Variants in MYO16 observed in about 807,000 individuals in gnomAD.
The protein encoded by MYO16 is myosin XVI, also known as unconventional myosin-XVI.
A neutral mutation model predicts 205.3 loss-of-function variants in MYO16; 94 were observed. That is an observed-to-expected ratio of 0.46 (90% CI 0.39 to 0.54). The LOEUF is 0.54. Among genes scored for constraint, MYO16 ranks in the 20% least tolerant of loss-of-function variants. MYO16 has a pLI of 0.00. For missense variants in MYO16, 2,315 were observed against 2,387.5 expected, an observed-to-expected ratio of 0.97 and a Z score of 0.63; for synonymous variants, 988 against 954.0, an observed-to-expected ratio of 1.04 and a Z score of -0.66.
intron 27 of MYO16, among the ~76,000 whole-genome samples, chr13:109,097,657 T>C (rs1157397054): frequency 2.0e-5 from 3 of 152,178 alleles, no homozygotes; most frequent in Non-Finnish European, 4.4e-5. Context: ...CTGAAGTCCA[T>C]TTAGTGTGAG....
intron 28 of MYO16, among the ~76,000 whole-genome samples, chr13:109,104,874 G>A (rs558404831): frequency 2.0e-4 from 30 of 151,686 alleles, no homozygotes; most frequent in African/African-American, 6.8e-4. Context: ...CACTATCCTC[G>A]ACCTTCGTAC....
chr13:108,732,785 A>G (rs571206064), intron 4 of MYO16, among the ~76,000 whole-genome samples: 2 of 152,324 alleles, frequency 1.3e-5, no homozygotes, highest in Admixed American at 6.5e-5. Context: ...ACATTTAGGT[A>G]TCTATTGTCC....
intron 1 of MYO16, among the ~76,000 whole-genome samples, chr13:108,620,835 T>G (rs1879514439): frequency 6.6e-6 from 1 of 152,168 alleles, no homozygotes; most frequent in East Asian, 1.9e-4. Flanking sequence ...CCTATGATAT[T>G]TATGCATTTC....
intron 4 of MYO16, among the ~76,000 whole-genome samples, chr13:108,759,291 T>C (rs1232996413): frequency 6.6e-6 from 1 of 152,234 alleles, no homozygotes; most frequent in Non-Finnish European, 1.5e-5. Context: ...GTTGTGTTTA[T>C]GTAGATACGA....
chr13:108,893,553 A>G lies in MYO16; in HGVS notation c.1660-4463A>G, dbSNP rs7988971. 5.2e-3 allele frequency among the ~76,000 whole-genome samples: 793 copies of G among 152,338 alleles called. 5 individuals carry two copies. Among genetic ancestry groups the G allele is most frequent in the African/African-American group, 0.018 (766 of 41,570 alleles). On this transcript the variant is annotated intron_variant, in intron 14 of 34. Transcript: ENST00000457511. ...AAAATCTGATTAAGGAAATGAGTAG[A>G]AAAGAACATCCTTGAACAGCCTTGA... is the stretch of plus-strand genomic sequence containing the variant.
At chr13:109,119,168 G>A (rs1182847831) in intron 28 of MYO16, among the ~76,000 whole-genome samples, 3 of 152,112 alleles carry the variant, frequency 2.0e-5, no homozygotes, top group African/African-American at 4.8e-5. Flanking sequence ...AACATCTCTG[G>A]CCAACCATTC....
intron 1 of MYO16, among the ~76,000 whole-genome samples, chr13:108,664,309 A>T (rs1046779801): frequency 2.6e-5 from 4 of 152,198 alleles, no homozygotes; most frequent in Non-Finnish European, 5.9e-5. Flanking sequence ...AATACCTGGC[A>T]TTAGAGAATC....
At chr13:108,587,192 A>T in the MYO16 span, among the ~76,000 whole-genome samples, 2 of 152,208 alleles carry the variant, frequency 1.3e-5, no homozygotes, top group African/African-American at 4.8e-5. Context: ...GAGTTGGTCA[A>T]CAGGAAGCAA....
At chr13:108,849,969 T>G (rs369719008) in intron 10 of MYO16, among the ~76,000 whole-genome samples, 12 of 148,574 alleles carry the variant, frequency 8.1e-5, no homozygotes, top group East Asian at 6.1e-4. Context: ...TCCTCTTTTT[T>G]TGTGTGTGTA....
chr13:109,127,602 G>C lies in MYO16; in HGVS notation c.4051+52G>C. ...CGTGTTCCGGGCTCGCGCATGCTCT[G>C]ACTTCGCCTTGGGGCGCCCATGGCA... On this transcript the variant is annotated intron_variant, in intron 31 of 34. Transcript: ENST00000457511. The surrounding 1 kb of genome is among the most constrained non-coding windows in gnomAD (Gnocchi z 4.2). 1 of 1,579,392 alleles carries C rather than the reference G, an allele frequency of 6.3e-7. No homozygotes were observed. The highest frequency in any genetic ancestry group is 8.6e-7 in the Non-Finnish European group (1 of 1,166,836).
chr13:108,571,985 G>C, the MYO16 span, among the ~76,000 whole-genome samples: 8 of 151,196 alleles, frequency 5.3e-5, no homozygotes, highest in Non-Finnish European at 8.8e-5. Context: ...CAGAGGTGCA[G>C]TCACCCTCAC....
intron 12 of MYO16, among the ~76,000 whole-genome samples, chr13:108,876,001 G>A (rs1484148980): frequency 6.6e-6 from 1 of 152,124 alleles, no homozygotes; most frequent in Middle Eastern, 3.4e-3. Context: ...ATAGAGAGTT[G>A]AAAAACATTT....
chr13:109,055,859 A>G lies in MYO16; in HGVS notation c.3335+264A>G. On this transcript the variant is annotated intron_variant, in intron 27 of 34. Transcript: ENST00000457511. This position sits in a 1 kb window ranked among gnomAD's most constrained non-coding sequence, Gnocchi z 5.0. ...CCTTTCAAAGTGTGGCTTTCCTTGGATTAAAGTTTTGTAAAATGATTGCAT... is the reference window on the plus strand; with the variant it reads ...CCTTTCAAAGTGTGGCTTTCCTTGGGTTAAAGTTTTGTAAAATGATTGCAT... The G allele has an allele frequency of 3.1e-6, 1 of 318,986 alleles. No homozygotes were observed. The highest frequency in any genetic ancestry group is 5.8e-6 in the Non-Finnish European group (1 of 173,588). The allele number at this position is 318,986 out of a possible 1,614,324, so 19.8% of individuals were successfully genotyped here. A position where few individuals can be genotyped will look rare whatever the true frequency, so the allele number is the denominator to read the frequency against.
rs552930087 is a variant in MYO16 at position 109,044,072 on chromosome 13, C to T, written c.2797-2844C>T. On this transcript the variant is annotated intron_variant, in intron 23 of 34. Coordinates refer to ENST00000457511, the MANE Select transcript of MYO16 (RefSeq NM_001198950.3). The stretch of plus-strand genomic sequence containing the variant: ...AATTTGTGGCAGATGCAAATGATAC[C>T]GAATTACAGTCAGATCCAATGATTG... Among the ~76,000 whole-genome samples, 6 of 151,928 alleles carry T rather than the reference C, an allele frequency of 3.9e-5. No individual in the cohort carries two copies. The East Asian group carries it at 1.2e-3, about 29-fold the overall frequency.
intron 4 of MYO16, among the ~76,000 whole-genome samples, chr13:108,736,600 TG>T (rs1594251366): frequency 1.3e-5 from 2 of 152,178 alleles, no homozygotes; most frequent in East Asian, 3.9e-4. Flanking sequence ...TTGTTCTTTT[TG>T]CTTAGGATTG....
intron 28 of MYO16, among the ~76,000 whole-genome samples, chr13:109,117,386 G>GTGTGTATATATGTATATATATA (rs1421867161): frequency 4.1e-5 from 6 of 147,048 alleles, no homozygotes; most frequent in Non-Finnish European, 5.9e-5. Flanking sequence ...TAATATATGC[G>GTGTGTATATATGTATATATATA]TGTGTATATA....
intron 16 of MYO16, among the ~76,000 whole-genome samples, chr13:108,925,319 C>T (rs921018251): frequency 2.0e-5 from 3 of 152,212 alleles, no homozygotes; most frequent in South Asian, 4.2e-4. Context: ...AGAGTTAAAC[C>T]GAGCTCCGCC....
rs1418745484 is a variant in MYO16, at chr13:109,192,701, ACAGAATCCTCCAAGACT to A, written c.5415+13089_5415+13105del. Among the ~76,000 whole-genome samples, 18 of 152,252 alleles carry A rather than the reference ACAGAATCCTCCAAGACT, an allele frequency of 1.2e-4. No individual in the cohort carries two copies. In the East Asian group the frequency reaches 2.5e-3, roughly 21 times the overall value. On this transcript the variant is annotated intron_variant, in intron 34 of 34. Transcript: ENST00000457511. Reference sequence around the variant, plus strand: ...GACCTTTCTCAACCCAAAGCTGGATACAGAATCCTCCAAGACTCAGAATCCTCCAAGACTCAGGTTTA... The same window carrying A: ...GACCTTTCTCAACCCAAAGCTGGATACAGAATCCTCCAAGACTCAGGTTTA...
chr13:108,719,439 G>C (rs977539573), intron 3 of MYO16, among the ~76,000 whole-genome samples: 24 of 151,938 alleles, frequency 1.6e-4, no homozygotes, highest in African/African-American at 5.6e-4. Context: ...TATCACTCAG[G>C]CTGTTTCTTA....
Sources: gnomAD v4.1 joint callset for allele counts (sites outside exome capture counted in the v4.1 genomes callset) on GRCh38, gnomAD v4.1.1 for gene constraint, Gnocchi (gnomAD v3.1) non-coding constraint, MANE v1.5 for transcripts, NCBI Gene and HGNC (gene_info 2026-07-23, HGNC 2026-07-21) for gene names.